Variants in MSI2 observed in about 807,000 individuals in gnomAD.
The protein encoded by MSI2 is musashi RNA binding protein 2.
A neutral mutation model predicts 45.6 loss-of-function variants in MSI2; 17 were observed. The ratio of observed to expected loss-of-function variants is 0.37; its 90% confidence interval spans 0.26 to 0.56. The LOEUF (loss-of-function observed/expected upper bound fraction) is 0.56, where lower values mean the gene tolerates loss of function less well. Ranked by LOEUF, MSI2 falls within the 20% of genes least tolerant of loss-of-function variation. The probability of loss-of-function intolerance (pLI) is 0.77; values close to 1 mark genes in which losing one functional copy is unlikely to be tolerated. For missense variants in MSI2, 293 were observed against 444.2 expected (o/e 0.66, Z 3.06); for synonymous variants, 156 against 158.2 (o/e 0.99, Z 0.11).
intron 5 of MSI2, among the ~76,000 whole-genome samples, chr17:57,336,348 T>G (rs1914689587): frequency 6.6e-6 from 1 of 152,222 alleles, no homozygotes. Context: ...GAGGTGAAAG[T>G]CAGCGTTTGG....
At chr17:57,605,196 T>A (rs1017527996) in intron 8 of MSI2, among the ~76,000 whole-genome samples, 3 of 152,222 alleles carry the variant, frequency 2.0e-5, no homozygotes, top group African/African-American at 7.2e-5. Flanking sequence ...GAGGGAGAGA[T>A]CCTGCCCCCC....
At chr17:57,498,918 TC>T (rs1486773549) in intron 6 of MSI2, among the ~76,000 whole-genome samples, 11 of 39,758 alleles carry the variant, frequency 2.8e-4, no homozygotes, top group Non-Finnish European at 3.4e-4. Context: ...CCCTCCCCCC[TC>T]CCCCCACCCC....
chr17:57,549,922 C>G (rs188136274), intron 7 of MSI2, among the ~76,000 whole-genome samples: 2 of 152,288 alleles, frequency 1.3e-5, no homozygotes, highest in African/African-American at 4.8e-5. Context: ...GGAGCAACCT[C>G]TGACTGCAGG....
intron 5 of MSI2, among the ~76,000 whole-genome samples, chr17:57,271,783 A>G (rs968647030): frequency 1.4e-5 from 2 of 145,254 alleles, no homozygotes; most frequent in Admixed American, 1.4e-4. Flanking sequence ...GACATATTGT[A>G]AACGACTTTC....
chr17:57,447,125 T>C (rs2084914483), intron 6 of MSI2, among the ~76,000 whole-genome samples: 1 of 152,184 alleles, frequency 6.6e-6, no homozygotes, highest in Non-Finnish European at 1.5e-5. Context: ...TCTCTCTGTA[T>C]CACCCAGGCT....
intron 6 of MSI2, among the ~76,000 whole-genome samples, chr17:57,528,211 G>A (rs184077026): frequency 4.6e-5 from 7 of 152,288 alleles, no homozygotes; most frequent in Middle Eastern, 6.8e-3. Flanking sequence ...CCCCCGGTGC[G>A]TAGCTGAAGG....
chr17:57,282,316 C>A (rs1012040779), intron 5 of MSI2, among the ~76,000 whole-genome samples: 1 of 152,170 alleles, frequency 6.6e-6, no homozygotes, highest in Non-Finnish European at 1.5e-5. Context: ...CCAGAAGTTT[C>A]TATTTGTTAG....
chr17:57,559,950 G>T (rs1240385670), intron 7 of MSI2, among the ~76,000 whole-genome samples: 1 of 152,234 alleles, frequency 6.6e-6, no homozygotes, highest in African/African-American at 2.4e-5. Context: ...CACTGCTATT[G>T]GTCGGTGGAA....
At chr17:57,388,030 C>T (rs1324876443) in intron 5 of MSI2, among the ~76,000 whole-genome samples, 2 of 152,226 alleles carry the variant, frequency 1.3e-5, no homozygotes, top group African/African-American at 4.8e-5. Flanking sequence ...TCTTTCCACT[C>T]CTTCAGCCTG....
intron 6 of MSI2, among the ~76,000 whole-genome samples, chr17:57,441,643 C>G (rs2084802227): frequency 6.6e-6 from 1 of 152,200 alleles, no homozygotes; most frequent in African/African-American, 2.4e-5. Context: ...GAAGGCATCT[C>G]TCACCAGGGT....
chr17:57,665,345 C>T (rs984574570), intron 11 of MSI2, among the ~76,000 whole-genome samples: 49 of 152,170 alleles, frequency 3.2e-4, no homozygotes, highest in Admixed American at 2.6e-4. Flanking sequence ...CAATGGGAGC[C>T]TTTTGGTAAG....
intron 8 of MSI2, among the ~76,000 whole-genome samples, chr17:57,598,507 G>T (rs935936862): frequency 3.9e-5 from 6 of 151,920 alleles, no homozygotes; most frequent in South Asian, 2.1e-4. Flanking sequence ...CTTTTTTTGC[G>T]TACTGTATGT....
intron 7 of MSI2, among the ~76,000 whole-genome samples, chr17:57,548,748 TC>T (rs1048480597): frequency 1.3e-5 from 2 of 152,094 alleles, no homozygotes; most frequent in African/African-American, 4.8e-5. Context: ...TGAAGCAAAG[TC>T]CTAGAGTTTC....
chr17:57,540,062 C>G (rs2087009560), intron 7 of MSI2, among the ~76,000 whole-genome samples: 1 of 152,194 alleles, frequency 6.6e-6, no homozygotes, highest in Non-Finnish European at 1.5e-5. Flanking sequence ...GCAGGACTCA[C>G]TTTCCAGAGC....
intron 6 of MSI2, among the ~76,000 whole-genome samples, chr17:57,499,535 C>A (rs575594830): frequency 1.1e-4 from 17 of 152,170 alleles, no homozygotes; most frequent in African/African-American, 4.1e-4. Flanking sequence ...TAATATTTAC[C>A]CATCAGTTTA....
At chr17:57,589,200 A>G (rs1334989342) in intron 7 of MSI2, among the ~76,000 whole-genome samples, 1 of 152,172 alleles carries the variant, frequency 6.6e-6, no homozygotes, top group Non-Finnish European at 1.5e-5. Flanking sequence ...GAAAACGCCC[A>G]GGAACCTCTA....
At chr17:57,588,152 G>A (rs1319821647) in intron 7 of MSI2, among the ~76,000 whole-genome samples, 2 of 152,156 alleles carry the variant, frequency 1.3e-5, no homozygotes, top group Non-Finnish European at 2.9e-5. Flanking sequence ...GCTGTGCTAA[G>A]AGGGCATGCC....
intron 5 of MSI2, among the ~76,000 whole-genome samples, chr17:57,297,089 G>T (rs1018238798): frequency 6.6e-6 from 1 of 151,856 alleles, no homozygotes; most frequent in African/African-American, 2.4e-5. Context: ...TGGCCAGGCT[G>T]GTCTTGAACT....
intron 6 of MSI2, among the ~76,000 whole-genome samples, chr17:57,458,488 C>T (rs987562101): frequency 3.9e-5 from 6 of 152,166 alleles, no homozygotes; most frequent in Non-Finnish European, 5.9e-5. Context: ...ATGCTTTAGT[C>T]AGAAGGAAAG....
Sources: allele counts gnomAD v4.1 joint callset (sites outside exome capture counted in the v4.1 genomes callset), GRCh38; gene constraint gnomAD v4.1.1; transcripts MANE v1.5; gene names NCBI Gene and HGNC (gene_info 2026-07-23, HGNC 2026-07-21).